The following GMPS variants were observed in gnomAD, a reference collection of about 807,000 sequenced individuals.
GMPS encodes the protein GMP synthase [glutamine-hydrolyzing].
Under a neutral mutation model 77.9 loss-of-function variants are expected in GMPS, and 15 were observed. The observed-to-expected ratio is 0.19, with a 90% confidence interval of 0.13 to 0.30. GMPS has a LOEUF of 0.30. Ranked by LOEUF, GMPS falls within the 10% of genes least tolerant of loss-of-function variation. GMPS has a pLI of 1.00. For synonymous variants in GMPS, 224 were observed against 275.9 expected (o/e 0.81, Z 1.86); for missense variants, 590 against 838.8 (o/e 0.70, Z 3.66).
intron 5 of GMPS, among the ~76,000 whole-genome samples, chr3:155,909,115 T>G (rs1754966470): frequency 6.6e-6 from 1 of 152,148 alleles, no homozygotes; most frequent in Non-Finnish European, 1.5e-5. Flanking sequence ...AGTATGAGTT[T>G]GGGAGCCTGT....
chr3:155,901,694 TGGG>T (rs1313351255), intron 3 of GMPS, among the ~76,000 whole-genome samples: 1 of 152,044 alleles, frequency 6.6e-6, no homozygotes, highest in Non-Finnish European at 1.5e-5. Context: ...AGGTATTAAA[TGGG>T]GGTCACGTTG....
intron 7 of GMPS, among the ~76,000 whole-genome samples, 151 bp from the exon 8 acceptor site, chr3:155,914,264 ATAGT>A (rs1206580423): frequency 6.6e-6 from 1 of 152,156 alleles, no homozygotes; most frequent in Non-Finnish European, 1.5e-5. Context: ...TTGAATATTG[ATAGT>A]TTATTGAAAT....
chr3:155,928,629 G>A (rs1184956164), intron 12 of GMPS, among the ~76,000 whole-genome samples: 9 of 149,396 alleles, frequency 6.0e-5, no homozygotes, highest in East Asian at 2.0e-4. Flanking sequence ...CTGGTGCACC[G>A]CACCCACTAA....
At chr3:155,900,398 A>G (rs1754708796) in intron 3 of GMPS, among the ~76,000 whole-genome samples, 2 of 151,328 alleles carry the variant, frequency 1.3e-5, no homozygotes, top group Non-Finnish European at 2.9e-5. Flanking sequence ...CCAAGGTGTA[A>G]TATATTTATA....
intron 8 of GMPS, among the ~76,000 whole-genome samples, chr3:155,915,463 G>A (rs1755154707): frequency 6.6e-6 from 1 of 152,034 alleles, no homozygotes; most frequent in African/African-American, 2.4e-5. Flanking sequence ...GTGTAGTGGT[G>A]CAATCTTGGC....
intron 1 of GMPS, among the ~76,000 whole-genome samples, chr3:155,881,864 A>G (rs188470670): frequency 7.6e-4 from 116 of 152,298 alleles, no homozygotes; most frequent in African/African-American, 2.7e-3. Context: ...TCAGGAGTTT[A>G]GAACAGCCTG....
At chr3:155,878,561 T>C (rs930417260) in intron 1 of GMPS, among the ~76,000 whole-genome samples, 1 of 152,206 alleles carries the variant, frequency 6.6e-6, no homozygotes, top group African/African-American at 2.4e-5. Flanking sequence ...TTTAACCTTT[T>C]AGTGAACTGT....
chr3:155,922,195 C>T lies in GMPS; in HGVS notation c.1327C>T (p.Leu443=), dbSNP rs766259928. 7.5e-6 allele frequency: 11 copies of T among 1,464,816 alleles called. No homozygotes were observed. The highest frequency in any genetic ancestry group is 9.3e-6 in the Non-Finnish European group (10 of 1,077,760). The allele number at this position is 1,464,816 out of a possible 1,614,324, so 90.7% of individuals were successfully genotyped here. The change falls in exon 11 of 16, where the codon CTG becomes TTG. Residue 443 remains leucine (L), a synonymous_variant. Coordinates refer to ENST00000496455, the MANE Select transcript of GMPS (RefSeq NM_003875.3). ...VSRHPFPGPG[L]AIRVICAEEP... is the part of the protein sequence containing the mutation. ...ATTACTCCTACCTTTAGGTCCTGGC[C>T]TGGCAATCAGAGTAATATGTGCTGA...
intron 1 of GMPS, among the ~76,000 whole-genome samples, chr3:155,887,618 A>C (rs527750420): frequency 1.1e-4 from 16 of 152,354 alleles, no homozygotes; most frequent in African/African-American, 3.8e-4. Context: ...AATTTTTTAA[A>C]AACCATAAAC....
chr3:155,877,524 C>T (rs1238004874), intron 1 of GMPS, among the ~76,000 whole-genome samples: 1 of 152,116 alleles, frequency 6.6e-6, no homozygotes, highest in Non-Finnish European at 1.5e-5. Flanking sequence ...CTCTACCCTT[C>T]AGCAAGGGTC....
At chr3:155,919,486 C>A (rs903119875) in intron 10 of GMPS, 148 bp downstream of exon 10, 22 of 564,252 alleles carry the variant, frequency 3.9e-5, no homozygotes, top group Non-Finnish European at 6.1e-5. Context: ...TAATTGAAAT[C>A]TTTTGAGTAT....
chr3:155,937,433 A>T (rs1331548215), intron 15 of GMPS, among the ~76,000 whole-genome samples, 158 bp from the exon 16 acceptor site: 1 of 152,220 alleles, frequency 6.6e-6, no homozygotes, highest in African/African-American at 2.4e-5. Flanking sequence ...GCAGAGGGGA[A>T]TAGGTTCATT....
intron 1 of GMPS, among the ~76,000 whole-genome samples, chr3:155,876,876 A>T (rs1754061341): frequency 6.6e-6 from 1 of 152,228 alleles, no homozygotes; most frequent in Non-Finnish European, 1.5e-5. Flanking sequence ...AGCAGCACTG[A>T]ACCTGACCCT....
chr3:155,924,174 C>T (rs752882079), intron 11 of GMPS, among the ~76,000 whole-genome samples: 27 of 152,074 alleles, frequency 1.8e-4, no homozygotes, highest in Non-Finnish European at 3.4e-4. Context: ...CCACTGGGCC[C>T]GGCTGAGAAC....
At chr3:155,917,850 A>G (rs1023846700) in intron 9 of GMPS, among the ~76,000 whole-genome samples, 8 of 152,132 alleles carry the variant, frequency 5.3e-5, no homozygotes, top group African/African-American at 1.9e-4. Context: ...TAGCCTGGGC[A>G]ACAAGAGTGA....
chr3:155,886,419 T>A (rs1302925053), intron 1 of GMPS, among the ~76,000 whole-genome samples: 3 of 150,886 alleles, frequency 2.0e-5, no homozygotes, highest in Non-Finnish European at 4.4e-5. Flanking sequence ...ACTAAAAATA[T>A]GAAAAATTAG....
chr3:155,931,815 A>G lies in GMPS; in HGVS notation c.1611A>G (p.Glu537=). The G allele has an allele frequency of 6.3e-7, 1 of 1,596,394 alleles. No homozygotes were observed. Among genetic ancestry groups the G allele is most frequent in the Non-Finnish European group, 8.6e-7 (1 of 1,164,234 alleles). ...SYVCGISSKD[E]PDWESLIFLA... is the part of the protein sequence containing the mutation. Reference sequence around the variant, plus strand: ...TGTGTGGAATCTCCAGTAAAGATGAACCTGACTGGGAATCACTTATTTTTC... The same window carrying G: ...TGTGTGGAATCTCCAGTAAAGATGAGCCTGACTGGGAATCACTTATTTTTC... Residue 537 remains glutamate, a synonymous_variant, in exon 13 of 16, where the codon GAA becomes GAG. Transcript: ENST00000496455.
chr3:155,922,557 A>C lies in GMPS; in HGVS notation c.1434+255A>C, dbSNP rs1236208201. The stretch of plus-strand genomic sequence containing the variant: ...AAAGCACTCTTTTATGTGTATTTCA[A>C]GATAGTAAGGGAAATCCTTTGAGTC... On this transcript the variant is annotated intron_variant, in intron 11 of 15. Coordinates refer to ENST00000496455, the MANE Select transcript of GMPS (RefSeq NM_003875.3). Among the ~76,000 whole-genome samples the C allele has an allele frequency of 3.3e-5, 5 of 152,200 alleles. No homozygotes were observed. The East Asian group carries it at 9.6e-4, about 29-fold the overall frequency.
At chr3:155,894,946 T>C (rs1171256601) in intron 2 of GMPS, among the ~76,000 whole-genome samples, 1 of 152,232 alleles carries the variant, frequency 6.6e-6, no homozygotes, top group Non-Finnish European at 1.5e-5. Flanking sequence ...ACTAGTTTTT[T>C]AGAGGGATCA....
Sources: allele counts gnomAD v4.1 joint callset (sites outside exome capture counted in the v4.1 genomes callset), GRCh38; gene constraint gnomAD v4.1.1; transcripts MANE v1.5; gene names NCBI Gene and HGNC (gene_info 2026-07-23, HGNC 2026-07-21).